The following LRRTM4 variants were observed in gnomAD, a reference collection of about 807,000 sequenced individuals.
The protein encoded by LRRTM4 is leucine rich repeat transmembrane neuronal 4, also known as leucine-rich repeat transmembrane neuronal protein 4.
Under a neutral mutation model 47.6 loss-of-function variants are expected in LRRTM4, and 25 were observed. The ratio of observed to expected loss-of-function variants is 0.53; its 90% CI spans 0.38 to 0.73. The LOEUF (loss-of-function observed/expected upper bound fraction) is 0.73, where lower values mean the gene tolerates loss of function less well. LRRTM4 is among the 30% of genes least tolerant of loss of function. LRRTM4 has a pLI of 0.00. For synonymous variants in LRRTM4, 311 were observed against 269.5 expected, an observed-to-expected ratio of 1.15 and a Z score of -1.51; for missense variants, 638 against 713.4, an observed-to-expected ratio of 0.89 and a Z score of 1.20.
At chr2:77,335,468 C>T (rs1167965449) in intron 3 of LRRTM4, among the ~76,000 whole-genome samples, 1 of 152,132 alleles carries the variant, frequency 6.6e-6, no homozygotes, top group South Asian at 2.1e-4. Flanking sequence ...TGGATTTCCC[C>T]ATAGCCAATG....
chr2:77,357,707 T>C (rs1672019908), intron 3 of LRRTM4, among the ~76,000 whole-genome samples: 1 of 152,212 alleles, frequency 6.6e-6, no homozygotes, highest in Non-Finnish European at 1.5e-5. Context: ...TAAAATGATG[T>C]ATGGCTTACT....
intron 3 of LRRTM4, among the ~76,000 whole-genome samples, chr2:76,756,641 C>T (rs1673039901): frequency 6.6e-6 from 1 of 151,830 alleles, no homozygotes; most frequent in Non-Finnish European, 1.5e-5. Context: ...TTTTTCTTTC[C>T]CCAATGTCAT....
intron 3 of LRRTM4, among the ~76,000 whole-genome samples, chr2:76,771,100 T>C (rs1225252089): frequency 6.6e-6 from 1 of 151,104 alleles, no homozygotes; most frequent in African/African-American, 2.4e-5. Context: ...TCTTGTACTT[T>C]AGTTTCTAAT....
At chr2:77,124,079 T>C (rs1671590610) in intron 3 of LRRTM4, among the ~76,000 whole-genome samples, 2 of 151,442 alleles carry the variant, frequency 1.3e-5, no homozygotes, top group South Asian at 4.1e-4. Context: ...ATTTTTCTAG[T>C]CATAGCCTTG....
At position 77,402,719 on chromosome 2, in the gene LRRTM4, G is replaced by T. The variant is rs1411188328; in HGVS notation, c.1551+115599C>A. ...TCACATATATTCACAGCTGGGCAAT[G>T]ACTTTATCTCACCTTACATGACCCT... On this transcript the variant is annotated intron_variant, in intron 3 of 3. Coordinates refer to ENST00000409884, the MANE Select transcript of LRRTM4 (RefSeq NM_001134745.3). 4.6e-5 allele frequency among the ~76,000 whole-genome samples: 7 copies of T among 151,894 alleles called. No individual in the cohort carries two copies. The South Asian group carries it at 8.3e-4, about 18-fold the overall frequency.
chr2:77,025,282 T>C (rs1355873371), intron 3 of LRRTM4, among the ~76,000 whole-genome samples: 1 of 152,216 alleles, frequency 6.6e-6, no homozygotes, highest in Admixed American at 6.5e-5. Context: ...GATTTACGAC[T>C]ACAAAATCTA....
intron 3 of LRRTM4, among the ~76,000 whole-genome samples, chr2:77,392,181 A>G (rs1328741936): frequency 6.6e-6 from 1 of 151,972 alleles, no homozygotes; most frequent in Non-Finnish European, 1.5e-5. Flanking sequence ...CTCCATCCCT[A>G]TATCTTAACT....
chr2:76,802,121 G>T (rs142244713), intron 3 of LRRTM4, among the ~76,000 whole-genome samples: 1 of 151,634 alleles, frequency 6.6e-6, no homozygotes, highest in South Asian at 2.1e-4. Context: ...GTCCTAGCCC[G>T]AGCAATTAGG....
intron 3 of LRRTM4, among the ~76,000 whole-genome samples, chr2:76,795,789 A>G (rs561887156): frequency 6.6e-6 from 1 of 152,210 alleles, no homozygotes; most frequent in South Asian, 2.1e-4. Context: ...GGGCACTATC[A>G]GAAAAGAAAA....
chr2:77,107,578 G>A (rs1671125360), intron 3 of LRRTM4, among the ~76,000 whole-genome samples: 1 of 152,124 alleles, frequency 6.6e-6, no homozygotes, highest in Admixed American at 6.5e-5. Flanking sequence ...CAGCACTTCG[G>A]GAGGCCGAGG....
chr2:77,040,812 C>T lies in LRRTM4; in HGVS notation c.1552-291896G>A, dbSNP rs183383383. 5.5e-4 allele frequency among the ~76,000 whole-genome samples: 83 copies of T among 151,376 alleles called. No individual in the cohort carries two copies. The Middle Eastern group carries it at 0.014, about 25-fold the overall frequency. On this transcript the variant is annotated intron_variant, in intron 3 of 3. Coordinates refer to ENST00000409884, the MANE Select transcript of LRRTM4 (RefSeq NM_001134745.3). ...TTTTATTTTGTTTTTCACTGATACA[C>T]GATAATTATACATATTGATGGGGTA... is the stretch of plus-strand genomic sequence containing the variant.
intron 3 of LRRTM4, among the ~76,000 whole-genome samples, chr2:76,872,610 T>A (rs1002786815): frequency 5.3e-5 from 8 of 151,998 alleles, no homozygotes; most frequent in Non-Finnish European, 1.0e-4. Context: ...CACAGACATA[T>A]CTTGTTTCCT....
At chr2:77,147,913 G>A (rs990580495) in intron 3 of LRRTM4, among the ~76,000 whole-genome samples, 3 of 152,036 alleles carry the variant, frequency 2.0e-5, no homozygotes, top group African/African-American at 7.2e-5. Flanking sequence ...AGCATTGAGG[G>A]TTTATGGATG....
intron 3 of LRRTM4, among the ~76,000 whole-genome samples, chr2:76,899,293 G>A (rs568028000): frequency 2.7e-5 from 4 of 149,568 alleles, no homozygotes; most frequent in East Asian, 4.0e-4. Flanking sequence ...CTATTGGAGG[G>A]AGAGAAAGAC....
At chr2:76,878,341 A>G (rs909987163) in intron 3 of LRRTM4, among the ~76,000 whole-genome samples, 1 of 152,128 alleles carries the variant, frequency 6.6e-6, no homozygotes, top group East Asian at 1.9e-4. Flanking sequence ...TATTGAAATT[A>G]GACGAATTAA....
At chr2:77,184,004 G>A (rs1484378305) in intron 3 of LRRTM4, among the ~76,000 whole-genome samples, 12 of 152,038 alleles carry the variant, frequency 7.9e-5, no homozygotes. Flanking sequence ...AATGGGTGCA[G>A]CACACCAACA....
chr2:77,507,626 C>T (rs761521853), intron 3 of LRRTM4, among the ~76,000 whole-genome samples: 25 of 151,862 alleles, frequency 1.6e-4, no homozygotes, highest in Non-Finnish European at 3.4e-4. Flanking sequence ...AGTAACATTT[C>T]TCAGAAATTA....
chr2:77,091,788 C>T (rs1326654936), intron 3 of LRRTM4, among the ~76,000 whole-genome samples: 1 of 150,394 alleles, frequency 6.6e-6, no homozygotes, highest in East Asian at 2.0e-4. Flanking sequence ...CAAATTTCTT[C>T]CTCATCTGTT....
chr2:77,470,250 C>G (rs1677136535), intron 3 of LRRTM4, among the ~76,000 whole-genome samples: 1 of 152,052 alleles, frequency 6.6e-6, no homozygotes, highest in African/African-American at 2.4e-5. Flanking sequence ...TCCAGCTTTT[C>G]CCTTAAGAGC....
Sources: allele counts gnomAD v4.1 joint callset (sites outside exome capture counted in the v4.1 genomes callset), GRCh38; gene constraint gnomAD v4.1.1; transcripts MANE v1.5; gene names NCBI Gene and HGNC (gene_info 2026-07-23, HGNC 2026-07-21).